Variants in MVB12B observed in about 807,000 individuals in gnomAD.
MVB12B encodes the protein multivesicular body subunit 12B, also known as ESCRT-I complex subunit MVB12B.
In MVB12B, 16 loss-of-function variants were observed where a neutral mutation model predicts 41.6. The observed-to-expected ratio is 0.38, with a 90% CI of 0.26 to 0.58. The LOEUF (loss-of-function observed/expected upper bound fraction) is 0.58. MVB12B is among the 20% of genes least tolerant of loss of function. The probability of loss-of-function intolerance (pLI) is 0.62; values close to 1 mark genes in which losing one functional copy is unlikely to be tolerated. For synonymous variants in MVB12B, 133 were observed against 139.7 expected, an observed-to-expected ratio of 0.95 and a Z score of 0.34; for missense variants, 274 against 380.2, an observed-to-expected ratio of 0.72 and a Z score of 2.32.
At position 126,503,279 on chromosome 9, in the gene MVB12B, C is replaced by T. The variant is rs1481673239; in HGVS notation, c.*16C>T. ...GCAGTCCTGAGGAGCCAGCGGCCACCTGCGGGGAGACCACCGCCGCCCAGA... is the reference window on the plus strand; with the variant it reads ...GCAGTCCTGAGGAGCCAGCGGCCACTTGCGGGGAGACCACCGCCGCCCAGA... On this transcript the variant is annotated 3_prime_UTR_variant, in exon 10 of 10. Transcript: ENST00000361171. 1 of 1,547,714 alleles carries T rather than the reference C, an allele frequency of 6.5e-7. No individual in the cohort carries two copies. Among genetic ancestry groups the T allele is most frequent in the Non-Finnish European group, 8.7e-7 (1 of 1,145,018 alleles).
At position 126,340,088 on chromosome 9, in the gene MVB12B, G is replaced by A. The variant is rs1239444052; in HGVS notation, c.82-420G>A. On this transcript the variant is annotated intron_variant, in intron 1 of 9. Transcript: ENST00000361171. This position sits in a 1 kb window ranked among gnomAD's most constrained non-coding sequence, Gnocchi z 4.0. ...AGGCCTAACCTTGGCTGTGGGTTTGGAAGTCTAGGCCTCCGTAGGAGAGAT... is the reference window on the plus strand; with the variant it reads ...AGGCCTAACCTTGGCTGTGGGTTTGAAAGTCTAGGCCTCCGTAGGAGAGAT... 6.6e-6 allele frequency among the ~76,000 whole-genome samples: 1 copy of A among 152,158 alleles called. No individual in the cohort carries two copies. The highest frequency in any genetic ancestry group is 1.5e-5 in the Non-Finnish European group (1 of 68,028).
rs1201900734 is a variant in MVB12B, at chr9:126,504,465, G to A, written c.*1202G>A. ...CCCCAAGAGTTGGCTCTTGGATGTG[G>A]AGGCTTGATGCTGCGGTTGGGGGCT... On this transcript the variant is annotated 3_prime_UTR_variant, in exon 10 of 10. Transcript: ENST00000361171. 2 of 152,600 alleles carry A rather than the reference G, an allele frequency of 1.3e-5. No individual in the cohort carries two copies. Among genetic ancestry groups the A allele is most frequent in the African/African-American group, 4.8e-5 (2 of 41,476 alleles). 9.5% of individuals were successfully genotyped at this position (152,600 alleles called of 1,614,324 possible).
intron 2 of MVB12B, among the ~76,000 whole-genome samples, chr9:126,341,976 G>A (rs1236190075): frequency 1.3e-5 from 2 of 152,208 alleles, no homozygotes; most frequent in Admixed American, 6.5e-5. Context: ...CATTTTAAAA[G>A]TGAAAAAGTG....
chr9:126,408,530 C>T (rs2119046930), intron 6 of MVB12B: 1 of 152,256 alleles, frequency 6.6e-6, no homozygotes, highest in East Asian at 1.9e-4. Context: ...GTGGCCACTG[C>T]AAATGGAGCC....
intron 7 of MVB12B, among the ~76,000 whole-genome samples, chr9:126,438,738 G>A (rs1832558020): frequency 6.6e-6 from 1 of 152,186 alleles, no homozygotes; most frequent in African/African-American, 2.4e-5. Context: ...AGAGCTCTCT[G>A]TTGCATCAGA....
chr9:126,347,273 G>C (rs1163688988), intron 2 of MVB12B, among the ~76,000 whole-genome samples: 1 of 152,238 alleles, frequency 6.6e-6, no homozygotes, highest in African/African-American at 2.4e-5. Context: ...TGCACGCTGG[G>C]AAGCCAGCCT....
chr9:126,403,451 TCTC>T (rs776838399), intron 6 of MVB12B, among the ~76,000 whole-genome samples: 1 of 152,160 alleles, frequency 6.6e-6, no homozygotes, highest in Non-Finnish European at 1.5e-5. Context: ...TTTTCCTTCT[TCTC>T]CTCCAGTTGC....
intron 2 of MVB12B, among the ~76,000 whole-genome samples, chr9:126,349,529 A>G (rs1829691754): frequency 6.6e-6 from 1 of 152,196 alleles, no homozygotes; most frequent in Non-Finnish European, 1.5e-5. Context: ...TTAACCCTTG[A>G]TAGCCACTAA....
chr9:126,408,128 A>G (rs374383611), intron 6 of MVB12B: 1 of 152,238 alleles, frequency 6.6e-6, no homozygotes, highest in South Asian at 2.1e-4. Flanking sequence ...AGTAGTGGAA[A>G]CAGTATTTAA....
intron 7 of MVB12B, among the ~76,000 whole-genome samples, chr9:126,463,442 TTAAG>T (rs1833133340): frequency 1.3e-5 from 2 of 152,190 alleles, no homozygotes; most frequent in Non-Finnish European, 2.9e-5. Flanking sequence ...TCTCCATAAA[TTAAG>T]TTTTATTATG....
Position 126,397,216 on chromosome 9 carries a change from A to G in MVB12B, c.662+1519A>G, listed in dbSNP as rs369423292. 10 of 985,504 alleles carry G rather than the reference A, an allele frequency of 1.0e-5. No homozygotes were observed. The East Asian group carries it at 9.1e-4, about 89-fold the overall frequency. 61.0% of individuals were successfully genotyped at this position (985,504 alleles called of 1,614,324 possible). A position where few individuals can be genotyped will look rare whatever the true frequency, so the allele number is the denominator to read the frequency against. On this transcript the variant is annotated intron_variant, in intron 6 of 9. Coordinates refer to ENST00000361171, the MANE Select transcript of MVB12B (RefSeq NM_033446.3). ...TCATGTGGTCTAGAAGGGCCCAGAA[A>G]TGGGCACCACCTCAGGCAGGTTTTG...
At chr9:126,343,829 A>G (rs1444029476) in intron 2 of MVB12B, among the ~76,000 whole-genome samples, 4 of 152,172 alleles carry the variant, frequency 2.6e-5, no homozygotes, top group Non-Finnish European at 4.4e-5. Flanking sequence ...AGGCAGGACA[A>G]TCGATTGAAC....
intron 2 of MVB12B, among the ~76,000 whole-genome samples, chr9:126,368,530 T>A (rs540257761): frequency 7.2e-4 from 109 of 152,136 alleles, no homozygotes; most frequent in Middle Eastern, 3.4e-3. Flanking sequence ...TAAAATTTTT[T>A]AAAAAAAATC....
At position 126,486,553 on chromosome 9, in the gene MVB12B, T is replaced by C. The variant is rs1201994289; in HGVS notation, c.873+2521T>C. Among the ~76,000 whole-genome samples, 2 of 152,334 alleles carry C rather than the reference T, an allele frequency of 1.3e-5. No homozygotes were observed. The highest frequency in any genetic ancestry group is 3.4e-3 in the Middle Eastern group (1 of 294). On this transcript the variant is annotated intron_variant, in intron 9 of 9. Coordinates refer to ENST00000361171, the MANE Select transcript of MVB12B (RefSeq NM_033446.3). The surrounding 1 kb of genome is among the most constrained non-coding windows in gnomAD (Gnocchi z 4.7). ...ATGCCAAATGGATATAGGTGGGACGTGCTGGCAGCAGCGGCCTCAGCGTCG... is the reference window on the plus strand; with the variant it reads ...ATGCCAAATGGATATAGGTGGGACGCGCTGGCAGCAGCGGCCTCAGCGTCG...
At position 126,459,449 on chromosome 9, in the gene MVB12B, T is replaced by C. The variant is rs916905824; in HGVS notation, c.758-21920T>C. On this transcript the variant is annotated intron_variant, in intron 7 of 9. Coordinates refer to ENST00000361171, the MANE Select transcript of MVB12B (RefSeq NM_033446.3). This position sits in a 1 kb window ranked among gnomAD's most constrained non-coding sequence, Gnocchi z 4.3. ...TAGCATGGTTAGTCCTTCCGGGTAA[T>C]GGAGAGTCCTGTTGCTTCAGAAAGG... Among the ~76,000 whole-genome samples the C allele has an allele frequency of 1.3e-5, 2 of 152,146 alleles. No homozygotes were observed. Among genetic ancestry groups the C allele is most frequent in the Non-Finnish European group, 2.9e-5 (2 of 68,012 alleles).
At chr9:126,428,503 GA>G (rs545791419) in intron 7 of MVB12B, among the ~76,000 whole-genome samples, 8 of 147,402 alleles carry the variant, frequency 5.4e-5, no homozygotes, top group South Asian at 2.1e-4. Context: ...TCTTAATTAG[GA>G]AAAAAAAAAC....
At chr9:126,469,750 G>T (rs1833273906) in intron 7 of MVB12B, among the ~76,000 whole-genome samples, 1 of 152,230 alleles carries the variant, frequency 6.6e-6, no homozygotes, top group Non-Finnish European at 1.5e-5. Context: ...AGGAGTTTCT[G>T]CGTTTGTCGC....
chr9:126,493,554 C>T (rs1028870691), intron 9 of MVB12B, among the ~76,000 whole-genome samples: 15 of 152,050 alleles, frequency 9.9e-5, no homozygotes, highest in Admixed American at 2.0e-4. Context: ...ATCTTGGGGG[C>T]GAAGGAAGTT....
rs72758758 is a variant in MVB12B, at chr9:126,420,013, C to T, written c.663-1841C>T. 8.4e-3 allele frequency among the ~76,000 whole-genome samples: 1,272 copies of T among 152,320 alleles called. 12 individuals are homozygous for T. The highest frequency in any genetic ancestry group is 0.014 in the Non-Finnish European group (945 of 68,030). On this transcript the variant is annotated intron_variant, in intron 6 of 9. Coordinates refer to ENST00000361171, the MANE Select transcript of MVB12B (RefSeq NM_033446.3). ...CCTGCATTTCTAGCTCTGCTTCCGA[C>T]GTGTGCCCTAACCCTATGGGGAAGT...
Sources: allele counts gnomAD v4.1 joint callset (sites outside exome capture counted in the v4.1 genomes callset), GRCh38; gene constraint gnomAD v4.1.1; non-coding constraint Gnocchi (gnomAD v3.1); transcripts MANE v1.5; gene names NCBI Gene and HGNC (gene_info 2026-07-23, HGNC 2026-07-21).